Variants in SGCZ observed in about 807,000 individuals in gnomAD.
SGCZ encodes the protein sarcoglycan zeta.
SGCZ carries 40 observed loss-of-function variants against 41.3 expected under a neutral mutation model. That is an observed-to-expected ratio of 0.97 (90% CI 0.75 to 1.26). SGCZ has a LOEUF of 1.26. Ranked by LOEUF, SGCZ falls within the 50% of genes most tolerant of loss-of-function variation. The pLI, the probability that SGCZ is intolerant of heterozygous loss-of-function variation, is 0.00. For missense variants in SGCZ, 552 were observed against 369.8 expected (o/e 1.49, Z -4.04); for synonymous variants, 206 against 137.5 (o/e 1.50, Z -3.49).
intron 1 of SGCZ, among the ~76,000 whole-genome samples, chr8:14,982,741 CT>C (rs1801709889): frequency 6.6e-6 from 1 of 152,192 alleles, no homozygotes; most frequent in African/African-American, 2.4e-5. Flanking sequence ...AATCATAGCA[CT>C]TTTTTAATCT....
intron 1 of SGCZ, among the ~76,000 whole-genome samples, chr8:14,886,800 G>C (rs1425607996): frequency 6.6e-6 from 1 of 152,130 alleles, no homozygotes; most frequent in Non-Finnish European, 1.5e-5. Flanking sequence ...TGAGTCTTTA[G>C]ATCACTTTGG....
intron 1 of SGCZ, among the ~76,000 whole-genome samples, chr8:14,569,875 G>A (rs554512645): frequency 5.3e-5 from 8 of 151,976 alleles, no homozygotes; most frequent in South Asian, 4.2e-4. Context: ...AGATGCAGCC[G>A]GACCAGAGAG....
intron 1 of SGCZ, among the ~76,000 whole-genome samples, chr8:14,671,449 A>G (rs939112534): frequency 2.6e-5 from 4 of 152,174 alleles, no homozygotes; most frequent in African/African-American, 7.2e-5. Context: ...TACATATTCA[A>G]TGCTGCCTAT....
chr8:14,807,406 A>C (rs1447077254), intron 1 of SGCZ, among the ~76,000 whole-genome samples: 1 of 152,198 alleles, frequency 6.6e-6, no homozygotes, highest in Non-Finnish European at 1.5e-5. Context: ...ATCAATGAGC[A>C]AAAATGACAG....
At chr8:14,658,926 C>T (rs886397848) in intron 1 of SGCZ, among the ~76,000 whole-genome samples, 1 of 151,320 alleles carries the variant, frequency 6.6e-6, no homozygotes, top group Non-Finnish European at 1.5e-5. Flanking sequence ...GGAAGGGAGA[C>T]AGGAAGGAAA....
At chr8:14,133,186 C>T (rs1803094022) in intron 5 of SGCZ, among the ~76,000 whole-genome samples, 1 of 152,140 alleles carries the variant, frequency 6.6e-6, no homozygotes, top group African/African-American at 2.4e-5. Flanking sequence ...ATGTATCTTG[C>T]CCTAAGCATA....
At chr8:14,785,768 C>T (rs544751372) in intron 1 of SGCZ, among the ~76,000 whole-genome samples, 23 of 152,276 alleles carry the variant, frequency 1.5e-4, no homozygotes, top group African/African-American at 4.6e-4. Flanking sequence ...TAACTTGTTA[C>T]TCTTTTTGTA....
chr8:15,149,714 A>G, intron 1 of SGCZ, among the ~76,000 whole-genome samples: 2 of 145,180 alleles, frequency 1.4e-5, no homozygotes, highest in East Asian at 3.9e-4. Flanking sequence ...TAAACTACAA[A>G]AAAAAAAAAA....
At chr8:14,883,073 G>A (rs1044513514) in intron 1 of SGCZ, among the ~76,000 whole-genome samples, 15 of 151,856 alleles carry the variant, frequency 9.9e-5, no homozygotes, top group African/African-American at 3.6e-4. Context: ...TTGAAAAGAA[G>A]CTTCAAAATG....
intron 2 of SGCZ, among the ~76,000 whole-genome samples, chr8:14,346,968 C>T (rs896341190): frequency 1.3e-5 from 2 of 151,948 alleles, no homozygotes; most frequent in Non-Finnish European, 2.9e-5. Context: ...TCTTCCATTA[C>T]ATTTATTTCC....
At chr8:14,446,488 C>G (rs2117386268) in intron 2 of SGCZ, among the ~76,000 whole-genome samples, 1 of 152,212 alleles carries the variant, frequency 6.6e-6, no homozygotes, top group South Asian at 2.1e-4. Context: ...AGATTCATTT[C>G]TATTTTGACT....
chr8:14,855,011 T>C (rs1308490600), intron 1 of SGCZ, among the ~76,000 whole-genome samples: 2 of 151,358 alleles, frequency 1.3e-5, no homozygotes, highest in African/African-American at 4.9e-5. Context: ...TCCCTCAAGA[T>C]CTAACTTTGA....
intron 1 of SGCZ, among the ~76,000 whole-genome samples, chr8:14,562,239 A>G (rs1393548242): frequency 6.6e-6 from 1 of 152,182 alleles, no homozygotes; most frequent in Non-Finnish European, 1.5e-5. Flanking sequence ...TTATATAAGT[A>G]TTCAGGACTG....
chr8:14,961,437 T>G (rs895283863), intron 1 of SGCZ, among the ~76,000 whole-genome samples: 1 of 152,152 alleles, frequency 6.6e-6, no homozygotes, highest in African/African-American at 2.4e-5. Flanking sequence ...TTTTACTTTT[T>G]GTAGGCTCAG....
At chr8:14,387,732 T>G (rs926080385) in intron 2 of SGCZ, among the ~76,000 whole-genome samples, 1 of 151,904 alleles carries the variant, frequency 6.6e-6, no homozygotes, top group Admixed American at 6.6e-5. Flanking sequence ...ATACATATTT[T>G]AAAAATATAT....
At chr8:15,173,962 T>A (rs1342723470) in intron 1 of SGCZ, among the ~76,000 whole-genome samples, 2 of 152,162 alleles carry the variant, frequency 1.3e-5, no homozygotes, top group African/African-American at 4.8e-5. Flanking sequence ...GCTCAAGCAA[T>A]CCTTCCACTT....
chr8:14,597,199 T>TA (rs1440498564), intron 1 of SGCZ, among the ~76,000 whole-genome samples: 1 of 152,228 alleles, frequency 6.6e-6, no homozygotes, highest in Non-Finnish European at 1.5e-5. Flanking sequence ...AACCTGGCTT[T>TA]ATTGAAGCAG....
rs1255742934 is a variant in SGCZ at position 15,150,058 on chromosome 8, TATTC to T, written c.39+87523_39+87526del. Among the ~76,000 whole-genome samples, 4 of 148,690 alleles carry T rather than the reference TATTC, an allele frequency of 2.7e-5. No homozygotes were observed. The East Asian group carries it at 8.1e-4, about 30-fold the overall frequency. On this transcript the variant is annotated intron_variant, in intron 1 of 7. Transcript: ENST00000382080. ...CTGTCAAACAGCCACCTGTGCAAAA[TATTC>T]ATTATGAAAAAGTCTGAAAGGCTCT...
At chr8:14,191,448 G>C (rs1805100457) in intron 4 of SGCZ, among the ~76,000 whole-genome samples, 1 of 152,130 alleles carries the variant, frequency 6.6e-6, no homozygotes, top group African/African-American at 2.4e-5. Flanking sequence ...TTTTCTTCTA[G>C]GAATTGCATG....
Sources: allele counts gnomAD v4.1 joint callset (sites outside exome capture counted in the v4.1 genomes callset), GRCh38; gene constraint gnomAD v4.1.1; transcripts MANE v1.5; gene names NCBI Gene and HGNC (gene_info 2026-07-23, HGNC 2026-07-21).